The following CNBD2 variants were observed in gnomAD, a reference collection of about 807,000 sequenced individuals.
CNBD2 encodes the protein cyclic nucleotide-binding domain-containing protein 2.
CNBD2 carries 64 observed loss-of-function variants against 63.7 expected under a neutral mutation model. That is an observed-to-expected ratio of 1.00 (90% CI 0.82 to 1.24). The LOEUF is 1.24. CNBD2 is among the 50% of genes most tolerant of loss of function. The pLI, the probability that CNBD2 is intolerant of heterozygous loss-of-function variation, is 0.00. For synonymous variants in CNBD2, 229 were observed against 255.4 expected (o/e 0.90, Z 0.99); for missense variants, 691 against 713.5 (o/e 0.97, Z 0.36).
At chr20:35,980,206 G>T (rs965709042) in intron 3 of CNBD2, among the ~76,000 whole-genome samples, 3 of 152,158 alleles carry the variant, frequency 2.0e-5, no homozygotes, top group African/African-American at 7.2e-5. Context: ...GCGTTGATAT[G>T]TGTCAGATCT....
At chr20:35,956,134 G>T (rs2056254516), downstream of CNBD2, among the ~76,000 whole-genome samples, 1 of 152,236 alleles carries the variant, frequency 6.6e-6, no homozygotes, top group Non-Finnish European at 1.5e-5. Flanking sequence ...GCCCGTGCAG[G>T]ATGGAGGAGC....
At chr20:36,021,596 C>A (rs1449563707) in intron 10 of CNBD2, among the ~76,000 whole-genome samples, 1 of 152,104 alleles carries the variant, frequency 6.6e-6, no homozygotes, top group Admixed American at 6.6e-5. Flanking sequence ...GGCCCTTTTT[C>A]TTCTTGAGCC....
chr20:35,962,733 C>T (rs1331753137), intron 2 of CNBD2, among the ~76,000 whole-genome samples: 1 of 152,132 alleles, frequency 6.6e-6, no homozygotes, highest in Non-Finnish European at 1.5e-5. Flanking sequence ...TTTGCACTCC[C>T]AGAATGATAT....
At chr20:35,962,463 T>C (rs888245015) in intron 2 of CNBD2, among the ~76,000 whole-genome samples, 2 of 152,076 alleles carry the variant, frequency 1.3e-5, no homozygotes, top group Admixed American at 6.6e-5. Context: ...GGTTTCACCG[T>C]GTTATCCAGG....
At chr20:35,958,476 TAG>T (rs1022538296), downstream of CNBD2, among the ~76,000 whole-genome samples, 6 of 152,226 alleles carry the variant, frequency 3.9e-5, no homozygotes, top group African/African-American at 1.4e-4. Flanking sequence ...TATAGATTCA[TAG>T]AAGGTTGCAA....
intron 8 of CNBD2, among the ~76,000 whole-genome samples, chr20:36,000,876 TAGGCAG>T (rs1035724177): frequency 1.6e-4 from 25 of 151,580 alleles, no homozygotes; most frequent in African/African-American, 6.1e-4. Flanking sequence ...CTGGTTTTCC[TAGGCAG>T]AGGACCCTGC....
intron 8 of CNBD2, among the ~76,000 whole-genome samples, chr20:36,002,204 G>C (rs577282234): frequency 2.0e-5 from 3 of 152,034 alleles, no homozygotes; most frequent in Admixed American, 1.3e-4. Flanking sequence ...AGACCAGCCC[G>C]GCCAACACAG....
At chr20:35,988,716 T>A (rs760848562) in intron 7 of CNBD2, among the ~76,000 whole-genome samples, 4 of 152,178 alleles carry the variant, frequency 2.6e-5, no homozygotes, top group Non-Finnish European at 4.4e-5. Context: ...TATCGTAATT[T>A]TTATGGCTCC....
At chr20:36,004,171 G>T (rs1365717356) in intron 8 of CNBD2, among the ~76,000 whole-genome samples, 1 of 152,184 alleles carries the variant, frequency 6.6e-6, no homozygotes, top group African/African-American at 2.4e-5. Context: ...CACACTTAAT[G>T]GGAGGGTATT....
At chr20:36,002,216 G>A (rs1415804083) in intron 8 of CNBD2, among the ~76,000 whole-genome samples, 2 of 152,174 alleles carry the variant, frequency 1.3e-5, no homozygotes, top group East Asian at 1.9e-4. Flanking sequence ...CCAACACAGC[G>A]AAACCCCGTC....
intron 10 of CNBD2, among the ~76,000 whole-genome samples, chr20:36,013,649 A>AAGGTAGGGATTAAC (rs1568919064): frequency 6.6e-6 from 1 of 152,172 alleles, no homozygotes; most frequent in Non-Finnish European, 1.5e-5. Context: ...GTTTGTCATG[A>AAGGTAGGGATTAAC]AGGTAGGGAT....
At chr20:36,006,172 G>A (rs1255383280) in intron 8 of CNBD2, among the ~76,000 whole-genome samples, 1 of 150,924 alleles carries the variant, frequency 6.6e-6, no homozygotes, top group Non-Finnish European at 1.5e-5. Context: ...GGGATTACAG[G>A]CATGCACCAC....
intron 10 of CNBD2, among the ~76,000 whole-genome samples, chr20:36,012,414 G>A (rs1267686911): frequency 6.6e-6 from 1 of 151,354 alleles, no homozygotes; most frequent in Non-Finnish European, 1.5e-5. Flanking sequence ...GGAGGCAGAG[G>A]TTGAAGTGAG....
chr20:35,971,888 T>G (rs766453280), intron 1 of CNBD2, among the ~76,000 whole-genome samples: 1 of 152,208 alleles, frequency 6.6e-6, no homozygotes, highest in African/African-American at 2.4e-5. Context: ...TTCTTCTACA[T>G]CCTGGATTTT....
chr20:35,976,891 G>A (rs188903228), intron 3 of CNBD2, among the ~76,000 whole-genome samples: 2 of 152,232 alleles, frequency 1.3e-5, no homozygotes, highest in Non-Finnish European at 1.5e-5. Flanking sequence ...GGGTATCAGG[G>A]CCACCTGTGC....
In CNBD2 at chr20:35,984,120, C is replaced by T. The variant is rs779200926; in HGVS notation, c.546C>T (p.His182=). 17 of 1,608,932 alleles carry T rather than the reference C, an allele frequency of 1.1e-5. No individual in the cohort carries two copies. The highest frequency in any genetic ancestry group is 1.4e-5 in the Non-Finnish European group (17 of 1,177,266). ...TAGATCCCCACCCGAAATTGCTGCA[C>T]AAGGGTAGCTGTTTTGGGGTAAGCC... ...AFLDPHPKLL[H]KGSCFGEMDV... is the part of the protein sequence containing the mutation. Residue 182 remains histidine (H), a synonymous_variant, in exon 5 of 12, where the codon CAC becomes CAT. Transcript: ENST00000373973.
upstream of CNBD2, among the ~76,000 whole-genome samples, chr20:35,967,538 C>G (rs2056356378): frequency 7.3e-6 from 1 of 137,504 alleles, no homozygotes; most frequent in Non-Finnish European, 1.5e-5. Flanking sequence ...AGCTACACTG[C>G]TTTCTTAAAA....
intron 4 of CNBD2, among the ~76,000 whole-genome samples, chr20:35,981,573 C>T (rs757509854): frequency 2.0e-5 from 3 of 152,004 alleles, no homozygotes; most frequent in Non-Finnish European, 4.4e-5. Flanking sequence ...GTAGCTGGGA[C>T]AAGGGGTAGG....
At chr20:35,962,117 G>T (rs771175025) in intron 2 of CNBD2, among the ~76,000 whole-genome samples, 2 of 152,092 alleles carry the variant, frequency 1.3e-5, no homozygotes, top group Non-Finnish European at 2.9e-5. Context: ...CCTCATTGCC[G>T]CACAGGCTGA....
Sources: allele counts gnomAD v4.1 joint callset (sites outside exome capture counted in the v4.1 genomes callset), GRCh38; gene constraint gnomAD v4.1.1; transcripts MANE v1.5; gene names NCBI Gene and HGNC (gene_info 2026-07-23, HGNC 2026-07-21).